FYN: variants seen among roughly 807,000 people sequenced by gnomAD.
FYN encodes tyrosine-protein kinase Fyn.
FYN carries 10 observed loss-of-function variants against 70.2 expected under a neutral mutation model. The observed-to-expected ratio is 0.14, with a 90% CI of 0.09 to 0.24. The LOEUF (loss-of-function observed/expected upper bound fraction) is 0.24. FYN is among the 10% of genes least tolerant of loss of function. FYN has a pLI of 1.00. For missense variants in FYN, 319 were observed against 673.1 expected, an observed-to-expected ratio of 0.47 and a Z score of 5.82; for synonymous variants, 236 against 248.6, an observed-to-expected ratio of 0.95 and a Z score of 0.48.
intron 3 of FYN, among the ~76,000 whole-genome samples, chr6:111,778,502 C>G (rs1208899701): frequency 6.6e-6 from 1 of 152,026 alleles, no homozygotes; most frequent in Non-Finnish European, 1.5e-5. Flanking sequence ...GATTGCTTTT[C>G]TTTCCTCCCT....
At chr6:111,714,940 AC>A (rs769107359) in intron 4 of FYN, among the ~76,000 whole-genome samples, 2 of 151,972 alleles carry the variant, frequency 1.3e-5, no homozygotes, top group South Asian at 2.1e-4. Flanking sequence ...TTTAGAGAAG[AC>A]CGTTTCTGTA....
intron 12 of FYN, among the ~76,000 whole-genome samples, chr6:111,684,636 A>C (rs1029321901): frequency 6.6e-6 from 1 of 152,164 alleles, no homozygotes; most frequent in African/African-American, 2.4e-5. Flanking sequence ...CCAGGAAGTG[A>C]AGGGAGGAAA....
intron 2 of FYN, among the ~76,000 whole-genome samples, chr6:111,829,393 A>T (rs1277297449): frequency 6.6e-6 from 1 of 152,212 alleles, no homozygotes; most frequent in Non-Finnish European, 1.5e-5. Flanking sequence ...ACATTTGTAA[A>T]AGAACCTGAA....
chr6:111,786,888 C>T (rs1426208102), intron 2 of FYN, among the ~76,000 whole-genome samples: 1 of 152,164 alleles, frequency 6.6e-6, no homozygotes, highest in South Asian at 2.1e-4. Context: ...TGTTCATATC[C>T]TTTGCCCACT....
intron 5 of FYN, among the ~76,000 whole-genome samples, chr6:111,714,142 C>T (rs1800512932): frequency 6.6e-6 from 1 of 152,184 alleles, no homozygotes; most frequent in African/African-American, 2.4e-5. Flanking sequence ...TGGTACTCTC[C>T]AAAAATCTCC....
chr6:111,795,306 A>T (rs1470507099), intron 2 of FYN, among the ~76,000 whole-genome samples: 1 of 152,196 alleles, frequency 6.6e-6, no homozygotes, highest in Non-Finnish European at 1.5e-5. Flanking sequence ...GATACACACA[A>T]AGGAAAGGCC....
intron 3 of FYN, among the ~76,000 whole-genome samples, chr6:111,750,010 A>G (rs1167826376): frequency 6.6e-6 from 1 of 152,088 alleles, no homozygotes; most frequent in Non-Finnish European, 1.5e-5. Flanking sequence ...TAAGTCTGAC[A>G]TCTTTAACTT....
At chr6:111,846,346 A>G (rs1300710463) in intron 2 of FYN, among the ~76,000 whole-genome samples, 1 of 152,216 alleles carries the variant, frequency 6.6e-6, no homozygotes, top group Non-Finnish European at 1.5e-5. Flanking sequence ...ATATGTTCCC[A>G]TAAATTACCA....
intron 9 of FYN, chr6:111,699,741 T>C (rs1036933805): frequency 8.3e-6 from 12 of 1,447,486 alleles, no homozygotes; most frequent in East Asian, 4.6e-5. Flanking sequence ...CTAGGAAAGA[T>C]GGAAGGTGAC....
intron 13 of FYN, among the ~76,000 whole-genome samples, chr6:111,674,033 C>T (rs969107833): frequency 6.6e-6 from 1 of 152,184 alleles, no homozygotes; most frequent in Non-Finnish European, 1.5e-5. Flanking sequence ...GGAGCTGGGT[C>T]CTGTGGAGAG....
chr6:111,699,844 C>T, intron 9 of FYN: 1 of 682,316 alleles, frequency 1.5e-6, no homozygotes, highest in Non-Finnish European at 2.3e-6. Context: ...GGACCATTTG[C>T]TGGTTTATGA....
In FYN at chr6:111,780,577, C is replaced by T. The variant is rs1771137426; in HGVS notation, c.-23G>A. On this transcript the variant is annotated 5_prime_UTR_variant, in exon 3 of 14. Coordinates refer to ENST00000354650, the MANE Select transcript of FYN (RefSeq NM_002037.5). The stretch of plus-strand genomic sequence containing the variant: ...GCAGCAACACTTACCAAAATGTCCG[C>T]CAACGATCACAAACTTTATATACAC... 6.6e-6 allele frequency: 1 copy of T among 152,612 alleles called. No individual in the cohort carries two copies. Among genetic ancestry groups the T allele is most frequent in the East Asian group, 1.9e-4 (1 of 5,198 alleles). The allele number at this position is 152,612 out of a possible 1,614,324, so 9.5% of individuals were successfully genotyped here.
intron 5 of FYN, among the ~76,000 whole-genome samples, chr6:111,712,985 G>A (rs571092952): frequency 1.3e-5 from 2 of 152,140 alleles, no homozygotes; most frequent in Admixed American, 6.5e-5. Context: ...CTTTTGATAC[G>A]TGCACTTTTC....
intron 2 of FYN, among the ~76,000 whole-genome samples, chr6:111,800,127 C>A (rs1424096152): frequency 6.6e-6 from 1 of 152,164 alleles, no homozygotes; most frequent in African/African-American, 2.4e-5. Context: ...AAAATGGATT[C>A]TCTATTACGG....
At chr6:111,714,917 C>T (rs1333439143) in intron 4 of FYN, among the ~76,000 whole-genome samples, 3 of 152,158 alleles carry the variant, frequency 2.0e-5, no homozygotes, top group Non-Finnish European at 4.4e-5. Context: ...ATGCCTCCTG[C>T]AGCTTGGGGA....
chr6:111,836,409 G>A (rs1773186863), intron 2 of FYN, among the ~76,000 whole-genome samples: 1 of 152,144 alleles, frequency 6.6e-6, no homozygotes, highest in Non-Finnish European at 1.5e-5. Context: ...ACTGATTTGG[G>A]CTTTAGCCCC....
chr6:111,679,589 G>A (rs1200715787), intron 12 of FYN, among the ~76,000 whole-genome samples: 1 of 152,074 alleles, frequency 6.6e-6, no homozygotes, highest in East Asian at 1.9e-4. Flanking sequence ...AATAACCACA[G>A]TTCCTTACAG....
chr6:111,706,156 C>T (rs1800083410), intron 6 of FYN, among the ~76,000 whole-genome samples: 1 of 152,190 alleles, frequency 6.6e-6, no homozygotes, highest in African/African-American at 2.4e-5. Context: ...CTTATATCCT[C>T]CCCCTGCACT....
intron 12 of FYN, among the ~76,000 whole-genome samples, chr6:111,693,478 A>T (rs908599392): frequency 6.6e-6 from 1 of 152,138 alleles, no homozygotes; most frequent in Non-Finnish European, 1.5e-5. Context: ...CCTGGTGACC[A>T]CTTTGTCAGT....
Sources: allele counts gnomAD v4.1 joint callset (sites outside exome capture counted in the v4.1 genomes callset), GRCh38; gene constraint gnomAD v4.1.1; transcripts MANE v1.5; gene names NCBI Gene and HGNC (gene_info 2026-07-23, HGNC 2026-07-21).